The following RYR1 variants were observed in gnomAD, a reference collection of about 807,000 sequenced individuals.
RYR1 encodes the protein central core disease of muscle.
Under a neutral mutation model 583.5 loss-of-function variants are expected in RYR1, and 342 were observed. That is an observed-to-expected ratio of 0.59 (90% CI 0.54 to 0.64). The LOEUF (loss-of-function observed/expected upper bound fraction) is 0.64, where lower values mean the gene tolerates loss of function less well. Ranked by LOEUF, RYR1 falls within the 30% of genes least tolerant of loss-of-function variation. The probability of loss-of-function intolerance (pLI) is 0.00; values close to 1 mark genes in which losing one functional copy is unlikely to be tolerated. For missense variants in RYR1, 6,032 were observed against 6,917.2 expected (o/e 0.87, Z 4.54); for synonymous variants, 2,791 against 2,822.5 (o/e 0.99, Z 0.35).
intron 27 of RYR1, among the ~76,000 whole-genome samples, chr19:38,472,364 G>A (rs1015715683): frequency 2.6e-5 from 4 of 152,044 alleles, no homozygotes; most frequent in Non-Finnish European, 5.9e-5. Flanking sequence ...GCCTCCCAAA[G>A]TGCTGGGATT....
In RYR1 at chr19:38,504,861, C is replaced by T. The variant is rs1047085632; in HGVS notation, c.8181C>T (p.Ala2727=). ...ASYSSKAEKK[A]TVDAEGNFDP... is the part of the protein sequence containing the mutation. ...ACTCATCTAAGGCAGAGAAAAAGGC[C>T]ACAGTGGATGCTGAAGGCAACTTTG... Residue 2727 remains alanine, a synonymous_variant, in exon 51 of 106, where the codon GCC becomes GCT. Coordinates refer to ENST00000359596, the MANE Select transcript of RYR1 (RefSeq NM_000540.3). 3.7e-6 allele frequency: 6 copies of T among 1,613,990 alleles called. No homozygotes were observed. In the African/African-American group the frequency reaches 8.0e-5, roughly 22 times the overall value.
Position 38,502,661 on chromosome 19 carries a change from C to A in RYR1, c.7769C>A (p.Ser2590Tyr), listed in dbSNP as rs752430492. The A allele has an allele frequency of 1.2e-6, 2 of 1,611,772 alleles. No individual in the cohort carries two copies. Among genetic ancestry groups the A allele is most frequent in the Non-Finnish European group, 1.7e-6 (2 of 1,179,904 alleles). Residue 2590 changes from serine to tyrosine, a missense_variant, in exon 48 of 106, where the codon TCT (serine) becomes TAT (tyrosine). Ser to Tyr is a moderately radical substitution (Grantham distance 144). This residue lies in a region of RYR1 where 250 missense variants were observed against 162.3 expected (regional missense o/e 1.54). Coordinates refer to ENST00000359596, the MANE Select transcript of RYR1 (RefSeq NM_000540.3). The stretch of plus-strand genomic sequence containing the variant: ...ATGCTGCATACCGTGTACCGCCTGT[C>A]TCGGGGTCGTTCGCTCACCAAGGCG... ...DSMLHTVYRL[S>Y]RGRSLTKAQR...
intron 38 of RYR1, 51 bp downstream of exon 38, chr19:38,492,687 A>T: frequency 6.4e-7 from 1 of 1,556,220 alleles, no homozygotes; most frequent in Non-Finnish European, 8.7e-7. Flanking sequence ...GGGTAGCCCC[A>T]TGCCTGCGGA....
intron 18 of RYR1, 113 bp downstream of exon 18, chr19:38,458,405 C>A: frequency 3.7e-6 from 4 of 1,082,982 alleles, no homozygotes; most frequent in Non-Finnish European, 4.2e-6. Flanking sequence ...AAAAGGTCAA[C>A]TTTTGACCTT....
chr19:38,536,708 C>G, intron 82 of RYR1, 42 bp from the exon 83 acceptor site: 1 of 1,613,442 alleles, frequency 6.2e-7, no homozygotes, highest in East Asian at 2.2e-5. Context: ...CTTTTTCTCT[C>G]TTTTCTCCTG....
At chr19:38,520,684 G>A (rs1301672668) in intron 67 of RYR1, among the ~76,000 whole-genome samples, 1 of 109,136 alleles carries the variant, frequency 9.2e-6, no homozygotes. Context: ...ACAGAGCGAG[G>A]CTCCACCTCA....
At chr19:38,438,835 G>T (rs1972544630) in intron 1 of RYR1, among the ~76,000 whole-genome samples, 1 of 151,874 alleles carries the variant, frequency 6.6e-6, no homozygotes. Flanking sequence ...AGCCAGGATG[G>T]TCTCGATCCT....
rs1171145743 is a variant in RYR1 at position 38,516,092 on chromosome 19, G to T, written c.9560G>T (p.Arg3187Leu). The T allele has an allele frequency of 1.3e-6, 2 of 1,548,578 alleles. No individual in the cohort carries two copies. Among genetic ancestry groups the T allele is most frequent in the African/African-American group, 1.4e-5 (1 of 73,138 alleles). Residue 3187 changes from arginine (R) to leucine (L), a missense_variant, in exon 65 of 106, where the codon CGG (arginine) becomes CTG (leucine). Arg to Leu is a moderately radical substitution (Grantham distance 102, BLOSUM62 -2). This residue lies in a region of RYR1 where 1,493 missense variants were observed against 1,715.5 expected (regional missense o/e 0.87). Transcript: ENST00000359596. ...TTKNTYVEKL[R>L]PALGECLARL... ...AACACAGCCCCGTCTTCCAGGCTTC[G>T]GCCAGCCCTCGGGGAGTGCCTGGCC...
Position 38,492,523 on chromosome 19 carries a change from A to G in RYR1, c.6161A>G (p.Glu2054Gly). Residue 2054 changes from glutamate (E) to glycine (G), a missense_variant, in exon 38 of 106, where the codon GAG (glutamate) becomes GGG (glycine). Physicochemically the swap from Glu to Gly is moderately conservative, Grantham distance 98 (BLOSUM62 -2). Coordinates refer to ENST00000359596, the MANE Select transcript of RYR1 (RefSeq NM_000540.3). ...IQLDGEEEEP[E>G]EETTLGSRLM... ...CTAGATGGAGAGGAGGAGGAACCAG[A>G]GGAAGAGACCACCCTGGGCAGCCGC... The G allele has an allele frequency of 6.2e-7, 1 of 1,614,124 alleles. No individual in the cohort carries two copies. Among genetic ancestry groups the G allele is most frequent in the East Asian group, 2.2e-5 (1 of 44,892 alleles).
At chr19:38,473,209 T>G (rs1392549466) in intron 27 of RYR1, among the ~76,000 whole-genome samples, 168 bp from the exon 28 acceptor site, 1 of 152,044 alleles carries the variant, frequency 6.6e-6, no homozygotes, top group Non-Finnish European at 1.5e-5. Flanking sequence ...GGCCCAGCGG[T>G]GTACCCGGCC....
intron 28 of RYR1, among the ~76,000 whole-genome samples, chr19:38,474,720 G>A (rs1216146698): frequency 2.0e-5 from 3 of 150,558 alleles, no homozygotes; most frequent in Non-Finnish European, 4.4e-5. Flanking sequence ...GACTACAGGT[G>A]TGTGCCACCA....
In RYR1 at chr19:38,543,444, G is replaced by T; in HGVS notation, c.11778+9G>T. On this transcript the variant is annotated intron_variant, in intron 85 of 105. Coordinates refer to ENST00000359596, the MANE Select transcript of RYR1 (RefSeq NM_000540.3). The surrounding 1 kb of genome is among the most constrained non-coding windows in gnomAD (Gnocchi z 4.4). ...ACCTCCTGCGGCTGCAGGTGAGGAC[G>T]TGAGACGGTTCAGGTGTGACTTGGG... 1 of 1,614,234 alleles carries T rather than the reference G, an allele frequency of 6.2e-7. No individual in the cohort carries two copies. Among genetic ancestry groups the T allele is most frequent in the Non-Finnish European group, 8.5e-7 (1 of 1,180,046 alleles).
At chr19:38,546,092 C>T (rs946042577) in intron 87 of RYR1, among the ~76,000 whole-genome samples, 4 of 152,146 alleles carry the variant, frequency 2.6e-5, no homozygotes, top group Non-Finnish European at 4.4e-5. Flanking sequence ...CAGTGCTGGG[C>T]TCACATCCCT....
intron 104 of RYR1, 32 bp downstream of exon 104, chr19:38,586,223 G>T (rs113102243): frequency 1.9e-6 from 3 of 1,592,270 alleles, no homozygotes; most frequent in Non-Finnish European, 2.6e-6. Context: ...TCAGGAGGGT[G>T]GGGGGCATGG....
At chr19:38,452,367 G>A (rs1203541424) in intron 12 of RYR1, among the ~76,000 whole-genome samples, 2 of 152,104 alleles carry the variant, frequency 1.3e-5, no homozygotes, top group Non-Finnish European at 2.9e-5. Context: ...CTTGAGCCGA[G>A]GGGGCAGAGG....
At chr19:38,537,408 A>G (rs894300360) in intron 83 of RYR1, among the ~76,000 whole-genome samples, 13 of 152,070 alleles carry the variant, frequency 8.5e-5, no homozygotes, top group Non-Finnish European at 1.3e-4. Context: ...ATCTGGGCCA[A>G]TTGGCTGGCT....
At chr19:38,466,032 T>C (rs1968079712) in intron 23 of RYR1, 59 bp from the exon 24 acceptor site, 2 of 1,512,288 alleles carry the variant, frequency 1.3e-6, no homozygotes, top group African/African-American at 1.4e-5. Flanking sequence ...TCCCATATAG[T>C]GCAGAGCCCG....
intron 104 of RYR1, 50 bp downstream of exon 104, chr19:38,586,241 T>C: frequency 2.0e-6 from 3 of 1,512,514 alleles, no homozygotes; most frequent in Non-Finnish European, 1.8e-6. Flanking sequence ...TGGCTGCCAA[T>C]AGCCAGCAGT....
intron 12 of RYR1, 119 bp from the exon 13 acceptor site, chr19:38,452,700 G>T (rs531970829): frequency 6.1e-5 from 53 of 873,706 alleles, no homozygotes; most frequent in Non-Finnish European, 9.0e-5. Context: ...TCTGCGTCTC[G>T]GTCTCCCTCT....
Sources: gnomAD v4.1 joint callset for allele counts (sites outside exome capture counted in the v4.1 genomes callset) on GRCh38, gnomAD v4.1.1 for gene constraint, gnomAD v4.1.1 regional missense constraint, Gnocchi (gnomAD v3.1) non-coding constraint, MANE v1.5 for transcripts, NCBI Gene and HGNC (gene_info 2026-07-23, HGNC 2026-07-21) for gene names.